The following CADM2 variants were observed in gnomAD, a reference collection of about 807,000 sequenced individuals.
CADM2 encodes immunoglobulin superfamily member 4D.
Under a neutral mutation model 49.8 loss-of-function variants are expected in CADM2, and 12 were observed. The observed-to-expected ratio is 0.24, with a 90% CI of 0.15 to 0.39. The LOEUF (loss-of-function observed/expected upper bound fraction) is 0.39. Among genes scored for constraint, CADM2 ranks in the 10% least tolerant of loss-of-function variants. The pLI is 1.00. For missense variants in CADM2, 378 were observed against 492.3 expected (o/e 0.77, Z 2.20); for synonymous variants, 214 against 175.4 (o/e 1.22, Z -1.74).
chr3:85,363,833 C>G (rs997123920), intron 1 of CADM2, among the ~76,000 whole-genome samples: 9 of 151,934 alleles, frequency 5.9e-5, no homozygotes, highest in Admixed American at 1.3e-4. Context: ...GGATGGTCTC[C>G]ATCTCCTGAC....
intron 1 of CADM2, among the ~76,000 whole-genome samples, chr3:85,312,295 A>T (rs1019051134): frequency 6.6e-6 from 1 of 152,184 alleles, no homozygotes; most frequent in African/African-American, 2.4e-5. Flanking sequence ...AATTAATGAC[A>T]TAATATGATT....
At chr3:85,803,366 A>C (rs577244211) in intron 3 of CADM2, among the ~76,000 whole-genome samples, 8 of 152,268 alleles carry the variant, frequency 5.3e-5, no homozygotes, top group African/African-American at 1.9e-4. Flanking sequence ...ATAAAGAAAC[A>C]TGCAAATGAA....
intron 3 of CADM2, among the ~76,000 whole-genome samples, chr3:85,826,876 A>C (rs1031225592): frequency 6.6e-6 from 1 of 151,958 alleles, no homozygotes; most frequent in African/African-American, 2.4e-5. Context: ...AACAGCAATC[A>C]CTTTTGAAGA....
At chr3:85,608,312 TATTA>T (rs1272507976) in intron 1 of CADM2, among the ~76,000 whole-genome samples, 1 of 152,196 alleles carries the variant, frequency 6.6e-6, no homozygotes. Context: ...TAGGGCCACC[TATTA>T]ATTAAGTCGC....
At chr3:85,517,882 G>A (rs1008290507) in intron 1 of CADM2, among the ~76,000 whole-genome samples, 7 of 152,134 alleles carry the variant, frequency 4.6e-5, no homozygotes. Flanking sequence ...TGTAGGGGTA[G>A]GGAATGGCTC....
chr3:85,982,424 C>T lies in CADM2; in HGVS notation c.970+20777C>T, dbSNP rs186345975. Among the ~76,000 whole-genome samples the T allele has an allele frequency of 6.5e-4, 99 of 151,594 alleles. No individual in the cohort carries two copies. The South Asian group carries it at 0.019, about 29-fold the overall frequency. On this transcript the variant is annotated intron_variant, in intron 8 of 9. Transcript: ENST00000383699. The stretch of plus-strand genomic sequence containing the variant: ...TGAAAGATAACATTTTTAAAGAAAT[C>T]ACACAAAAATATTTTTTTAAAAAGT...
intron 1 of CADM2, among the ~76,000 whole-genome samples, chr3:85,573,876 C>A (rs1052271461): frequency 6.6e-6 from 1 of 152,126 alleles, no homozygotes; most frequent in Non-Finnish European, 1.5e-5. Context: ...TCCTCACCAT[C>A]CTCACCACAT....
At chr3:85,323,375 T>C (rs948579858) in intron 1 of CADM2, among the ~76,000 whole-genome samples, 1 of 152,178 alleles carries the variant, frequency 6.6e-6, no homozygotes, top group African/African-American at 2.4e-5. Flanking sequence ...TGTCCAGGCA[T>C]TTTCTTAGTA....
At chr3:85,112,356 AT>A (rs201365936) in intron 1 of CADM2, among the ~76,000 whole-genome samples, 4,925 of 143,936 alleles carry the variant, frequency 0.034, 178 homozygotes, top group African/African-American at 0.095. Context: ...AGAAACTGTC[AT>A]TTTTTTTTTT....
At chr3:85,137,184 C>T (rs1433774341) in intron 1 of CADM2, among the ~76,000 whole-genome samples, 1 of 151,816 alleles carries the variant, frequency 6.6e-6, no homozygotes, top group Non-Finnish European at 1.5e-5. Flanking sequence ...TTCATTTCAT[C>T]TATATGCTCA....
At chr3:85,054,187 A>C (rs1401866817) in intron 1 of CADM2, among the ~76,000 whole-genome samples, 1 of 151,884 alleles carries the variant, frequency 6.6e-6, no homozygotes, top group Non-Finnish European at 1.5e-5. Context: ...AGAAATTTTA[A>C]AGCTTATCTA....
chr3:85,137,610 C>T (rs1010370094), intron 1 of CADM2, among the ~76,000 whole-genome samples: 11 of 151,946 alleles, frequency 7.2e-5, no homozygotes, highest in Admixed American at 5.2e-4. Context: ...TACTAATTTT[C>T]ACAACTTTCT....
chr3:85,726,676 A>C (rs2067707808), intron 2 of CADM2, 128 bp downstream of exon 2: 1 of 559,066 alleles, frequency 1.8e-6, no homozygotes, highest in Admixed American at 3.1e-5. Flanking sequence ...TATTGTTCAT[A>C]AATTCCTACA....
At chr3:85,328,867 A>G (rs1559782058) in intron 1 of CADM2, among the ~76,000 whole-genome samples, 1 of 150,050 alleles carries the variant, frequency 6.7e-6, no homozygotes, top group Non-Finnish European at 1.5e-5. Context: ...TATAAACATA[A>G]CCTCATTTTA....
intron 8 of CADM2, among the ~76,000 whole-genome samples, chr3:86,009,137 A>ATATATATAGATATATATATATAGG (rs1731167926): frequency 7.0e-6 from 1 of 142,924 alleles, no homozygotes; most frequent in African/African-American, 2.7e-5. Flanking sequence ...GTATATAGAT[A>ATATATATAGATATATATATATAGG]TATATATAGA....
chr3:85,793,527 A>G (rs897098160), intron 2 of CADM2, among the ~76,000 whole-genome samples: 6 of 152,204 alleles, frequency 3.9e-5, no homozygotes, highest in East Asian at 3.9e-4. Context: ...AACATGCTCT[A>G]TGGAGAAAAT....
At chr3:85,120,355 A>G (rs935782592) in intron 1 of CADM2, among the ~76,000 whole-genome samples, 1 of 152,232 alleles carries the variant, frequency 6.6e-6, no homozygotes, top group Non-Finnish European at 1.5e-5. Flanking sequence ...AGGATTATAA[A>G]TCATTCTACT....
chr3:85,471,429 C>T (rs1485249173), intron 1 of CADM2, among the ~76,000 whole-genome samples: 1 of 152,146 alleles, frequency 6.6e-6, no homozygotes, highest in African/African-American at 2.4e-5. Context: ...TGACAACCAT[C>T]TGCCTTGTTA....
At chr3:85,990,946 G>A (rs978107842) in intron 8 of CADM2, among the ~76,000 whole-genome samples, 3 of 152,138 alleles carry the variant, frequency 2.0e-5, no homozygotes, top group Non-Finnish European at 4.4e-5. Flanking sequence ...TGAACTAAAG[G>A]CACTTGAGAA....
Sources: gnomAD v4.1 joint callset for allele counts (sites outside exome capture counted in the v4.1 genomes callset) on GRCh38, gnomAD v4.1.1 for gene constraint, MANE v1.5 for transcripts, NCBI Gene and HGNC (gene_info 2026-07-23, HGNC 2026-07-21) for gene names.